CALN1: variants seen among roughly 807,000 people sequenced by gnomAD.
The protein encoded by CALN1 is calneuron 1.
Under a neutral mutation model 30.6 loss-of-function variants are expected in CALN1, and 17 were observed. The ratio of observed to expected loss-of-function variants is 0.56; its 90% CI spans 0.38 to 0.83. The LOEUF is 0.83. Ranked by LOEUF, CALN1 falls within the 40% of genes least tolerant of loss-of-function variation. The pLI is 0.00. For missense variants in CALN1, 291 were observed against 354.9 expected, an observed-to-expected ratio of 0.82 and a Z score of 1.45; for synonymous variants, 156 against 131.4, an observed-to-expected ratio of 1.19 and a Z score of -1.28.
intron 3 of CALN1, among the ~76,000 whole-genome samples, chr7:72,206,113 G>GT (rs1429425479): frequency 6.6e-6 from 1 of 152,028 alleles, no homozygotes; most frequent in Non-Finnish European, 1.5e-5. Flanking sequence ...TTTTGTTTTT[G>GT]TTTTTTGAAT....
At chr7:72,333,277 T>C (rs1801794770) in intron 2 of CALN1, among the ~76,000 whole-genome samples, 1 of 152,228 alleles carries the variant, frequency 6.6e-6, no homozygotes, top group African/African-American at 2.4e-5. Flanking sequence ...TCCCCACTAA[T>C]CTGTGAATTT....
chr7:71,842,315 T>C (rs950765345), intron 5 of CALN1, among the ~76,000 whole-genome samples: 6 of 152,232 alleles, frequency 3.9e-5, no homozygotes, highest in Non-Finnish European at 8.8e-5. Flanking sequence ...GTGAGGACCC[T>C]GCTTTGTCCT....
At chr7:71,933,340 A>G (rs1562914374) in intron 5 of CALN1, among the ~76,000 whole-genome samples, 2 of 152,184 alleles carry the variant, frequency 1.3e-5, no homozygotes, top group African/African-American at 2.4e-5. Context: ...TAAAGAAGAC[A>G]CTGCCTCCTC....
At chr7:71,827,775 A>AAAAAAAAATAAAT (rs1554347603) in intron 5 of CALN1, among the ~76,000 whole-genome samples, 3 of 140,282 alleles carry the variant, frequency 2.1e-5, no homozygotes, top group African/African-American at 8.1e-5. Flanking sequence ...CCATCTTAAA[A>AAAAAAAAATAAAT]AAATAAATAA....
intron 2 of CALN1, among the ~76,000 whole-genome samples, chr7:72,337,391 CGCCT>C: frequency 7.1e-6 from 1 of 139,998 alleles, no homozygotes; most frequent in South Asian, 2.4e-4. Context: ...ACCTGAGGAA[CGCCT>C]CGGCGCGCGC....
intron 5 of CALN1, among the ~76,000 whole-genome samples, chr7:71,855,815 A>C (rs1790914027): frequency 6.6e-6 from 1 of 152,094 alleles, no homozygotes; most frequent in Non-Finnish European, 1.5e-5. Context: ...TTTAGAATAC[A>C]TTTCTTTTCA....
rs558238383 is a variant in CALN1, at chr7:72,298,625, G to C, written c.120-19815C>G. 4.3e-4 allele frequency among the ~76,000 whole-genome samples: 66 copies of C among 152,148 alleles called. No individual in the cohort carries two copies. In the South Asian group the frequency reaches 0.01, roughly 23 times the overall value. ...CCCATTATCTATTAGTCTAGTTGAA[G>C]CAAATTAATATAATCTGTAAATCCC... On this transcript the variant is annotated intron_variant, in intron 2 of 6. Transcript: ENST00000395275.
intron 5 of CALN1, among the ~76,000 whole-genome samples, chr7:71,894,985 T>C (rs1793457128): frequency 6.6e-6 from 1 of 152,172 alleles, no homozygotes; most frequent in Non-Finnish European, 1.5e-5. Context: ...GACAGGGTCT[T>C]GCTCTGTTGC....
intron 1 of CALN1, among the ~76,000 whole-genome samples, chr7:72,407,298 G>C (rs1806765875): frequency 6.6e-6 from 1 of 152,196 alleles, no homozygotes; most frequent in Non-Finnish European, 1.5e-5. Context: ...TTATTGTAAA[G>C]TGTTAGGCAC....
rs1485736059 is a variant in CALN1 at position 72,177,289 on chromosome 7, G to C, written c.245-70995C>G. Among the ~76,000 whole-genome samples the C allele has an allele frequency of 2.6e-5, 4 of 152,264 alleles. No individual in the cohort carries two copies. In the East Asian group the frequency reaches 7.7e-4, roughly 29 times the overall value. ...TTAGAGAGGAGGACACTTGGAGGAG[G>C]AGACAGATTTAAGGAAGGTAAACAG... On this transcript the variant is annotated intron_variant, in intron 3 of 6. Transcript: ENST00000395275.
chr7:71,994,707 T>C (rs972402999), intron 5 of CALN1, among the ~76,000 whole-genome samples: 2 of 152,060 alleles, frequency 1.3e-5, no homozygotes, highest in Non-Finnish European at 2.9e-5. Flanking sequence ...TGGAGAAAGA[T>C]GAGTTGCCAG....
intron 3 of CALN1, among the ~76,000 whole-genome samples, chr7:72,240,538 A>C (rs908494213): frequency 1.3e-5 from 2 of 152,216 alleles, no homozygotes; most frequent in Non-Finnish European, 2.9e-5. Flanking sequence ...TAACAAACAC[A>C]GATCAACTTG....
intron 4 of CALN1, among the ~76,000 whole-genome samples, chr7:72,088,576 G>A (rs1373634446): frequency 2.0e-5 from 3 of 151,776 alleles, no homozygotes; most frequent in Non-Finnish European, 4.4e-5. Context: ...ACGCGTGCCT[G>A]TAATCCGACC....
intron 5 of CALN1, among the ~76,000 whole-genome samples, chr7:71,870,396 T>A (rs977555915): frequency 1.2e-4 from 18 of 148,062 alleles, no homozygotes; most frequent in African/African-American, 4.3e-4. Context: ...AAAAAAAAAA[T>A]GAGTGCTCTA....
chr7:72,311,564 C>CA (rs1226097494), intron 2 of CALN1, among the ~76,000 whole-genome samples: 2 of 151,892 alleles, frequency 1.3e-5, no homozygotes, highest in Non-Finnish European at 2.9e-5. Flanking sequence ...ACTGCAGCCT[C>CA]AACCTCCCCG....
At chr7:72,275,837 GA>G (rs959871812) in intron 3 of CALN1, among the ~76,000 whole-genome samples, 23 of 152,158 alleles carry the variant, frequency 1.5e-4, no homozygotes, top group African/African-American at 5.6e-4. Context: ...GTTTGTCCAG[GA>G]AAGTGGAGGG....
At position 71,782,333 on chromosome 7, in the gene CALN1, C is replaced by G. The variant is rs1792761105; in HGVS notation, c.*5442G>C. The G allele has an allele frequency of 6.6e-6, 1 of 152,232 alleles. No individual in the cohort carries two copies. The highest frequency in any genetic ancestry group is 2.4e-5 in the African/African-American group (1 of 41,458). 9.4% of individuals were successfully genotyped at this position (152,232 alleles called of 1,614,324 possible). A position where few individuals can be genotyped will look rare whatever the true frequency, so the allele number is the denominator to read the frequency against. ...GAGACTGGCACCTCTTCTCCTCTCT[C>G]TTGCTCCTGTTCTTGCTGTGTGACG... On this transcript the variant is annotated 3_prime_UTR_variant, in exon 7 of 7. Transcript: ENST00000395275.
chr7:72,295,473 T>C lies in CALN1; in HGVS notation c.120-16663A>G, dbSNP rs1014760294. Among the ~76,000 whole-genome samples, 48 of 151,924 alleles carry C rather than the reference T, an allele frequency of 3.2e-4. 1 individual carries two copies. Among genetic ancestry groups the C allele is most frequent in the Admixed American group, 2.0e-4 (3 of 15,234 alleles). Reference sequence around the variant, plus strand: ...TTGGGCAGTATGGCCATTTTCACGATATTGATTCTTCCTACCCATGAGCAT... The same window carrying C: ...TTGGGCAGTATGGCCATTTTCACGACATTGATTCTTCCTACCCATGAGCAT... On this transcript the variant is annotated intron_variant, in intron 2 of 6. Transcript: ENST00000395275.
chr7:72,182,807 G>C (rs1297607648), intron 3 of CALN1, among the ~76,000 whole-genome samples: 3 of 151,498 alleles, frequency 2.0e-5, no homozygotes, highest in East Asian at 3.9e-4. Context: ...AGACGTTCTA[G>C]ATAGGAACAC....
Sources: allele counts gnomAD v4.1 joint callset (sites outside exome capture counted in the v4.1 genomes callset), GRCh38; gene constraint gnomAD v4.1.1; transcripts MANE v1.5; gene names NCBI Gene and HGNC (gene_info 2026-07-23, HGNC 2026-07-21).